KCNIP1: variants seen among roughly 807,000 people sequenced by gnomAD.
The protein encoded by KCNIP1 is potassium voltage-gated channel interacting protein 1.
KCNIP1 carries 18 observed loss-of-function variants against 33.0 expected under a neutral mutation model. The observed-to-expected ratio is 0.55, with a 90% CI of 0.38 to 0.81. KCNIP1 has a LOEUF of 0.81. Ranked by LOEUF, KCNIP1 falls within the 30% of genes least tolerant of loss-of-function variation. The pLI, the probability that KCNIP1 is intolerant of heterozygous loss-of-function variation, is 0.00. For synonymous variants in KCNIP1, 93 were observed against 98.3 expected, an observed-to-expected ratio of 0.95 and a Z score of 0.32; for missense variants, 238 against 271.6, an observed-to-expected ratio of 0.88 and a Z score of 0.87.
At chr5:170,395,776 G>T (rs1451615561) in intron 1 of KCNIP1, among the ~76,000 whole-genome samples, 1 of 152,206 alleles carries the variant, frequency 6.6e-6, no homozygotes, top group Non-Finnish European at 1.5e-5. Context: ...GGGCTTGTGG[G>T]ACTCAGAACA....
intron 7 of KCNIP1, among the ~76,000 whole-genome samples, chr5:170,734,666 G>T (rs1764319771): frequency 6.6e-6 from 1 of 152,150 alleles, no homozygotes; most frequent in South Asian, 2.1e-4. Flanking sequence ...GAAATGTTCA[G>T]AGTTACTCTG....
At chr5:170,599,222 C>A (rs1263112128) in intron 1 of KCNIP1, among the ~76,000 whole-genome samples, 2 of 152,052 alleles carry the variant, frequency 1.3e-5, no homozygotes, top group Non-Finnish European at 2.9e-5. Flanking sequence ...TGAGCTAAAA[C>A]AAACTACTAG....
At chr5:170,697,740 T>G (rs1368438802) in intron 1 of KCNIP1, among the ~76,000 whole-genome samples, 1 of 152,138 alleles carries the variant, frequency 6.6e-6, no homozygotes, top group East Asian at 1.9e-4. Context: ...CACTCAGAAG[T>G]GCAAGATGAA....
chr5:170,428,954 C>A (rs772474830), intron 1 of KCNIP1, among the ~76,000 whole-genome samples: 1 of 152,000 alleles, frequency 6.6e-6, no homozygotes, highest in Non-Finnish European at 1.5e-5. Context: ...TGGATACCAC[C>A]CTTTCCCATC....
intron 1 of KCNIP1, chr5:170,382,742 G>A (rs1764294745): frequency 7.1e-6 from 1 of 141,470 alleles, no homozygotes; most frequent in African/African-American, 2.7e-5. Context: ...GAGCCTTTCT[G>A]ATACCCCCAT....
rs547858201 is a variant in KCNIP1, at chr5:170,560,848, G to T, written c.61+56215G>T. On this transcript the variant is annotated intron_variant, in intron 1 of 7. Coordinates refer to ENST00000328939, the MANE Select transcript of KCNIP1 (RefSeq NM_014592.4). ...CCCCGCCCCAGATGCTCTTCTCTCT[G>T]TGGGGTTTTTTCTTCCCCTCCATTT... Among the ~76,000 whole-genome samples, 13 of 152,038 alleles carry T rather than the reference G, an allele frequency of 8.6e-5. No homozygotes were observed. In the East Asian group the frequency reaches 2.5e-3, roughly 29 times the overall value.
chr5:170,612,640 G>A (rs897828596), intron 1 of KCNIP1, among the ~76,000 whole-genome samples: 3 of 152,176 alleles, frequency 2.0e-5, no homozygotes, highest in Non-Finnish European at 4.4e-5. Flanking sequence ...GGAGTAAATT[G>A]GTTTAATGGA....
chr5:170,615,192 G>A (rs1367358021), intron 1 of KCNIP1, among the ~76,000 whole-genome samples: 1 of 152,194 alleles, frequency 6.6e-6, no homozygotes, highest in East Asian at 1.9e-4. Flanking sequence ...TCCAGCCTGG[G>A]CGACAGAGTG....
intron 1 of KCNIP1, among the ~76,000 whole-genome samples, chr5:170,548,029 ATC>A (rs1332348275): frequency 2.6e-5 from 4 of 152,156 alleles, no homozygotes; most frequent in Non-Finnish European, 5.9e-5. Context: ...CCTCGCCAGC[ATC>A]TGTTATTTTT....
At chr5:170,638,037 G>A (rs982152361) in intron 1 of KCNIP1, among the ~76,000 whole-genome samples, 1 of 138,400 alleles carries the variant, frequency 7.2e-6, no homozygotes, top group African/African-American at 2.6e-5. Context: ...GTGTCTGGGG[G>A]GTGGGGGGTG....
At chr5:170,364,818 TA>T (rs1213612213) in intron 1 of KCNIP1, among the ~76,000 whole-genome samples, 1 of 152,216 alleles carries the variant, frequency 6.6e-6, no homozygotes, top group Non-Finnish European at 1.5e-5. Context: ...GATGTCTTGA[TA>T]CACACATAGA....
chr5:170,620,077 A>G (rs1339935980), intron 1 of KCNIP1, among the ~76,000 whole-genome samples: 1 of 152,230 alleles, frequency 6.6e-6, no homozygotes, highest in East Asian at 1.9e-4. Flanking sequence ...TCATCTCAAA[A>G]ATGGAAGTAA....
intron 1 of KCNIP1, among the ~76,000 whole-genome samples, chr5:170,402,516 C>T (rs1234117840): frequency 6.6e-6 from 1 of 152,150 alleles, no homozygotes; most frequent in Admixed American, 6.5e-5. Context: ...TGTGGCTGCA[C>T]CATCCTGTGG....
At chr5:170,493,090 C>T (rs1419443119) in intron 1 of KCNIP1, among the ~76,000 whole-genome samples, 1 of 152,238 alleles carries the variant, frequency 6.6e-6, no homozygotes, top group Non-Finnish European at 1.5e-5. Flanking sequence ...GAATCAGAGC[C>T]TGAGGTGCAG....
intron 1 of KCNIP1, among the ~76,000 whole-genome samples, chr5:170,551,867 A>T (rs1292169945): frequency 3.4e-5 from 5 of 149,078 alleles, no homozygotes; most frequent in African/African-American, 1.2e-4. Context: ...TGTGTGTTTG[A>T]GTGTGTGTGT....
At chr5:170,597,813 ATATAT>A (rs1385446877) in intron 1 of KCNIP1, among the ~76,000 whole-genome samples, 836 of 33,840 alleles carry the variant, frequency 0.025, 26 homozygotes, top group African/African-American at 0.062. Context: ...ATATATATAT[ATATAT>A]ATATATATAT....
intron 1 of KCNIP1, among the ~76,000 whole-genome samples, chr5:170,713,053 A>T (rs2113858795): frequency 6.6e-6 from 1 of 152,338 alleles, no homozygotes; most frequent in Middle Eastern, 3.4e-3. Context: ...TCTTTTAGAG[A>T]CAAGTTACAG....
At chr5:170,735,642 C>T (rs1340175330) in intron 7 of KCNIP1, 117 bp from the exon 8 acceptor site, 2 of 849,320 alleles carry the variant, frequency 2.4e-6, no homozygotes, top group African/African-American at 1.7e-5. Context: ...GTTTTTCATA[C>T]CCTTGTAGAG....
chr5:170,443,367 C>A (rs1275719017), intron 1 of KCNIP1, among the ~76,000 whole-genome samples: 1 of 152,080 alleles, frequency 6.6e-6, no homozygotes, highest in Non-Finnish European at 1.5e-5. Context: ...CCAAATCAAC[C>A]TTGGGAAAAG....
Sources: allele counts gnomAD v4.1 joint callset (sites outside exome capture counted in the v4.1 genomes callset), GRCh38; gene constraint gnomAD v4.1.1; transcripts MANE v1.5; gene names NCBI Gene and HGNC (gene_info 2026-07-23, HGNC 2026-07-21).